Variants in CNTN5 observed in about 807,000 individuals in gnomAD.
CNTN5 encodes the protein contactin 5, also known as contactin-5.
In CNTN5, 77 loss-of-function variants were observed where a neutral mutation model predicts 129.1. That is an observed-to-expected ratio of 0.60 (90% confidence interval 0.50 to 0.72). The LOEUF (loss-of-function observed/expected upper bound fraction) is 0.72, where lower values mean the gene tolerates loss of function less well. CNTN5 is among the 30% of genes least tolerant of loss of function. The probability of loss-of-function intolerance (pLI) is 0.00; values close to 1 mark genes in which losing one functional copy is unlikely to be tolerated. For missense variants in CNTN5, 1,478 were observed against 1,328.8 expected (o/e 1.11, Z -1.75); for synonymous variants, 509 against 465.6 (o/e 1.09, Z -1.20).
chr11:100,057,394 T>C (rs1943280767), intron 9 of CNTN5, among the ~76,000 whole-genome samples: 1 of 151,482 alleles, frequency 6.6e-6, no homozygotes, highest in African/African-American at 2.4e-5. Context: ...GTCAATCATT[T>C]AAAACTTATT....
intron 3 of CNTN5, among the ~76,000 whole-genome samples, chr11:99,745,795 A>G (rs1479735699): frequency 1.3e-5 from 2 of 152,034 alleles, no homozygotes; most frequent in East Asian, 1.9e-4. Flanking sequence ...CACATGTGAC[A>G]CAAACATTTA....
rs1287509271 is a variant in CNTN5, at chr11:100,204,326, AT to A, written c.1884+10664del. Among the ~76,000 whole-genome samples the A allele has an allele frequency of 7.2e-5, 8 of 111,826 alleles. No homozygotes were observed. The East Asian group carries it at 1.5e-3, about 22-fold the overall frequency. 73.4% of individuals were successfully genotyped at this position (111,826 alleles called of 152,430 possible). On this transcript the variant is annotated intron_variant, in intron 15 of 24. Coordinates refer to ENST00000524871, the MANE Select transcript of CNTN5 (RefSeq NM_014361.4). ...TATATATATATATATATATATATAT[AT>A]ATATATATATATATATAATTATAGG...
chr11:100,299,103 A>G (rs1011441455), intron 19 of CNTN5, 59 bp from the exon 20 acceptor site: 52 of 1,150,010 alleles, frequency 4.5e-5, no homozygotes, highest in Middle Eastern at 4.1e-4. Context: ...AAGAATTTGG[A>G]GAAAGTGGAT....
chr11:100,150,060 T>C (rs1483777284), intron 13 of CNTN5, among the ~76,000 whole-genome samples: 3 of 152,158 alleles, frequency 2.0e-5, no homozygotes, highest in Non-Finnish European at 4.4e-5. Context: ...AACAGTATTA[T>C]GAAAATATTT....
chr11:100,271,339 T>A, intron 18 of CNTN5, 98 bp downstream of exon 18: 1 of 741,574 alleles, frequency 1.3e-6, no homozygotes, highest in Non-Finnish European at 2.0e-6. Context: ...TGCTTTAGCA[T>A]AATTTGTCCT....
In CNTN5 at chr11:99,464,725, G is replaced by A. The variant is rs184581542; in HGVS notation, c.-70-91420G>A. ...CTGTATACATTTGGATTAATTTGAG[G>A]TTGTTGGATTAGAATATGCAGTGTT... On this transcript the variant is annotated intron_variant, in intron 2 of 24. Coordinates refer to ENST00000524871, the MANE Select transcript of CNTN5 (RefSeq NM_014361.4). 3.9e-5 allele frequency among the ~76,000 whole-genome samples: 6 copies of A among 152,196 alleles called. No homozygotes were observed. The East Asian group carries it at 5.8e-4, about 15-fold the overall frequency.
intron 3 of CNTN5, among the ~76,000 whole-genome samples, chr11:99,716,871 C>T (rs1955258299): frequency 6.6e-6 from 1 of 152,024 alleles, no homozygotes; most frequent in South Asian, 2.1e-4. Flanking sequence ...TATGTTCAAG[C>T]ATTATGCTAA....
intron 16 of CNTN5, among the ~76,000 whole-genome samples, chr11:100,229,194 TTTACACACACACACAAAA>T (rs1383013211): frequency 7.3e-6 from 1 of 136,392 alleles, no homozygotes; most frequent in African/African-American, 2.5e-5. Flanking sequence ...TTATTAGCTT[TTTACACACACACACAAAA>T]TATTTATTTT....
intron 6 of CNTN5, among the ~76,000 whole-genome samples, chr11:99,887,755 C>A (rs930568674): frequency 6.6e-6 from 1 of 152,184 alleles, no homozygotes; most frequent in African/African-American, 2.4e-5. Context: ...GATCAGGAAG[C>A]GTCCAGCACA....
At chr11:99,927,219 A>G (rs774936958) in intron 7 of CNTN5, among the ~76,000 whole-genome samples, 23 of 152,166 alleles carry the variant, frequency 1.5e-4, no homozygotes, top group African/African-American at 2.2e-4. Context: ...TTCTATCTTT[A>G]TCCCTGTTTT....
At chr11:99,290,495 C>T (rs374799454) in intron 1 of CNTN5, among the ~76,000 whole-genome samples, 20 of 151,990 alleles carry the variant, frequency 1.3e-4, no homozygotes, top group African/African-American at 4.6e-4. Flanking sequence ...GAGTTCTCTG[C>T]AGGTAACATA....
In CNTN5 at chr11:99,632,095, AG is replaced by A. The variant is rs539981122; in HGVS notation, c.55+75828del. Among the ~76,000 whole-genome samples, 132 of 152,216 alleles carry A rather than the reference AG, an allele frequency of 8.7e-4. 1 individual carries two copies. The highest frequency in any genetic ancestry group is 3.0e-3 in the African/African-American group (126 of 41,562). On this transcript the variant is annotated intron_variant, in intron 3 of 24. Transcript: ENST00000524871. The stretch of plus-strand genomic sequence containing the variant: ...TCAGGTATCCCCTGGGGGACTTGGA[AG>A]GTATACCCTGCGAATAAGTGGGGAT...
intron 2 of CNTN5, among the ~76,000 whole-genome samples, chr11:99,555,775 T>A (rs1337167891): frequency 2.0e-5 from 3 of 151,934 alleles, no homozygotes; most frequent in Non-Finnish European, 4.4e-5. Context: ...TATATATTAA[T>A]GTAACTGGTT....
At chr11:99,487,607 T>A (rs1945867677) in intron 2 of CNTN5, among the ~76,000 whole-genome samples, 1 of 152,320 alleles carries the variant, frequency 6.6e-6, no homozygotes, top group South Asian at 2.1e-4. Context: ...TTCCTTATGT[T>A]GTGTTTCATT....
At chr11:100,019,264 T>G (rs1391155513) in intron 9 of CNTN5, among the ~76,000 whole-genome samples, 1 of 151,892 alleles carries the variant, frequency 6.6e-6, no homozygotes, top group South Asian at 2.1e-4. Flanking sequence ...CCTAAAAGTT[T>G]TATAGTTTTA....
chr11:99,086,184 C>T (rs1422658883), intron 1 of CNTN5, among the ~76,000 whole-genome samples: 3 of 152,192 alleles, frequency 2.0e-5, no homozygotes, highest in Admixed American at 6.5e-5. Context: ...GATAGTGGGT[C>T]GCTGGAGCCT....
rs77485856 is a variant in CNTN5, at chr11:99,498,053, A to G, written c.-70-58092A>G. ...AGGCGTATAGTCTTGCCAATTTTATACATGCTGCCAAGTAACATCTTTATG... is the reference window on the plus strand; with the variant it reads ...AGGCGTATAGTCTTGCCAATTTTATGCATGCTGCCAAGTAACATCTTTATG... On this transcript the variant is annotated intron_variant, in intron 2 of 24. Transcript: ENST00000524871. Among the ~76,000 whole-genome samples, 1,069 of 152,196 alleles carry G rather than the reference A, an allele frequency of 7.0e-3. 10 individuals are homozygous for G. Among genetic ancestry groups the G allele is most frequent in the African/African-American group, 0.024 (1,008 of 41,516 alleles).
At chr11:99,035,433 G>A (rs1863666429) in intron 1 of CNTN5, among the ~76,000 whole-genome samples, 1 of 152,170 alleles carries the variant, frequency 6.6e-6, no homozygotes, top group Non-Finnish European at 1.5e-5. Context: ...CTCAGGACTT[G>A]CTTTATGAAT....
At chr11:99,422,514 ATT>A (rs373530450) in intron 2 of CNTN5, among the ~76,000 whole-genome samples, 11,691 of 65,594 alleles carry the variant, frequency 0.18, 786 homozygotes, top group Non-Finnish European at 0.19. Flanking sequence ...GTTACTTTAT[ATT>A]TTTATATATA....
Sources: gnomAD v4.1 joint callset for allele counts (sites outside exome capture counted in the v4.1 genomes callset) on GRCh38, gnomAD v4.1.1 for gene constraint, MANE v1.5 for transcripts, NCBI Gene and HGNC (gene_info 2026-07-23, HGNC 2026-07-21) for gene names.